CRX: variants seen among roughly 807,000 people sequenced by gnomAD.
CRX encodes the protein cone-rod homeobox protein.
CRX carries 5 observed loss-of-function variants against 13.1 expected under a neutral mutation model. The ratio of observed to expected loss-of-function variants is 0.38; its 90% CI spans 0.20 to 0.80. The LOEUF (loss-of-function observed/expected upper bound fraction) is 0.80. CRX is among the 30% of genes least tolerant of loss of function. CRX has a pLI of 0.43. For missense variants in CRX, 351 were observed against 391.8 expected (o/e 0.90, Z 0.88); for synonymous variants, 179 against 171.1 (o/e 1.05, Z -0.36).
chr19:47,833,710 A>C (rs888313654), intron 1 of CRX, among the ~76,000 whole-genome samples: 3 of 152,210 alleles, frequency 2.0e-5, no homozygotes, highest in African/African-American at 7.2e-5. Flanking sequence ...AACCTGGGCA[A>C]AGAGGGACGG....
chr19:47,828,731 G>C (rs1282996056), intron 1 of CRX, among the ~76,000 whole-genome samples: 1 of 151,830 alleles, frequency 6.6e-6, no homozygotes, highest in South Asian at 2.1e-4. Context: ...TTTGGGGTGG[G>C]GGAGAGGCGT....
chr19:47,828,078 T>G (rs10410722), intron 1 of CRX, among the ~76,000 whole-genome samples: 1 of 150,928 alleles, frequency 6.6e-6, no homozygotes, highest in Non-Finnish European at 1.5e-5. Context: ...CACTTGACCC[T>G]GGGAGGCAGA....
At chr19:47,832,113 T>TTTTTTTTTTTC (rs1968056517) in intron 1 of CRX, among the ~76,000 whole-genome samples, 1 of 135,816 alleles carries the variant, frequency 7.4e-6, no homozygotes, top group Admixed American at 7.2e-5. Context: ...ATGTTTTTTT[T>TTTTTTTTTTTC]TTTTTTTTTT....
intron 1 of CRX, among the ~76,000 whole-genome samples, chr19:47,833,225 G>T (rs529357490): frequency 6.8e-6 from 1 of 146,036 alleles, no homozygotes; most frequent in East Asian, 2.1e-4. Flanking sequence ...GGTGTGAGCC[G>T]CCTTGCTTAG....
intron 1 of CRX, among the ~76,000 whole-genome samples, chr19:47,823,824 A>AT (rs1167610125): frequency 4.6e-5 from 7 of 151,678 alleles, no homozygotes; most frequent in Non-Finnish European, 1.0e-4. Flanking sequence ...TTATTTTTGT[A>AT]TTTTTAGTAG....
rs559876702 is a variant in CRX, at chr19:47,832,264, C to T, written c.-35-2145C>T. ...GGGATTACAGGCACGCGCCACCATGCCCGGCTAATTTTTGTATTTTCTGCA... is the reference window on the plus strand; with the variant it reads ...GGGATTACAGGCACGCGCCACCATGTCCGGCTAATTTTTGTATTTTCTGCA... On this transcript the variant is annotated intron_variant, in intron 1 of 3. Transcript: ENST00000221996. 4.4e-4 allele frequency among the ~76,000 whole-genome samples: 65 copies of T among 148,946 alleles called. 6 individuals are homozygous for T. The highest frequency in any genetic ancestry group is 3.4e-3 in the Middle Eastern group (1 of 292).
intron 1 of CRX, among the ~76,000 whole-genome samples, chr19:47,824,205 T>C (rs1022215233): frequency 3.3e-5 from 5 of 152,170 alleles, no homozygotes; most frequent in Non-Finnish European, 7.4e-5. Flanking sequence ...GATTTAAATT[T>C]TACCCCTGGT....
rs73038753 is a variant in CRX at position 47,841,984 on chromosome 19, C to T, written c.*2017C>T. 1,491 of 152,272 alleles carry T rather than the reference C, an allele frequency of 9.8e-3. 18 individuals are homozygous for T. Among genetic ancestry groups the T allele is most frequent in the Non-Finnish European group, 0.018 (1,203 of 68,044 alleles). The allele number at this position is 152,272 out of a possible 1,614,324, so 9.4% of individuals were successfully genotyped here. A position where few individuals can be genotyped will look rare whatever the true frequency, so the allele number is the denominator to read the frequency against. On this transcript the variant is annotated 3_prime_UTR_variant, in exon 4 of 4. Transcript: ENST00000221996. ...TTCCGTGGTGTAAATACTCCCACCA[C>T]GGCTGACTTCAAGCTAGCAACCGGA...
At chr19:47,833,923 C>T (rs556263147) in intron 1 of CRX, among the ~76,000 whole-genome samples, 4 of 152,210 alleles carry the variant, frequency 2.6e-5, no homozygotes, top group South Asian at 2.1e-4. Context: ...TCAAGTGATC[C>T]TCCCACCTCA....
chr19:47,827,405 ATT>A (rs369150093), intron 1 of CRX, among the ~76,000 whole-genome samples: 1 of 141,378 alleles, frequency 7.1e-6, no homozygotes. Flanking sequence ...TGTTTTTTTA[ATT>A]TTTTTTTTTT....
chr19:47,833,088 G>C (rs192355949), intron 1 of CRX, among the ~76,000 whole-genome samples: 1 of 132,964 alleles, frequency 7.5e-6, no homozygotes, highest in East Asian at 2.2e-4. Flanking sequence ...TTTCAGAGAT[G>C]GGGGGTCTCA....
In CRX at chr19:47,839,445, A is replaced by T; in HGVS notation, c.378A>T (p.Arg126Ser). Residue 126 changes from arginine (R) to serine (S), a missense_variant, in exon 4 of 4, where the codon AGA (arginine) becomes AGT (serine). By Grantham distance (110) the Arg-to-Ser change is moderately radical. Transcript: ENST00000221996. The surrounding 1 kb of genome is among the most constrained non-coding windows in gnomAD (Gnocchi z 4.6). ...AGAGGAAGGCGGGCACGTCCCCAAG[A>T]CCCTCCACAGATGTGTGTCCAGACC... Reference protein sequence around the residue: ...PAKRKAGTSPRPSTDVCPDPL... With the variant: ...PAKRKAGTSPSPSTDVCPDPL... 6.2e-7 allele frequency: 1 copy of T among 1,613,414 alleles called. No individual in the cohort carries two copies. The highest frequency in any genetic ancestry group is 8.5e-7 in the Non-Finnish European group (1 of 1,179,774).
chr19:47,832,105 GTT>G lies in CRX; in HGVS notation c.-35-2287_-35-2286del, dbSNP rs71180891. ...AAATCAGTTCAGAGAGCAGCCTTAT[GTT>G]TTTTTTTTTTTTTTTTGAGACGGAG... On this transcript the variant is annotated intron_variant, in intron 1 of 3. Transcript: ENST00000221996. Among the ~76,000 whole-genome samples, 11 of 91,976 alleles carry G rather than the reference GTT, an allele frequency of 1.2e-4. 1 individual carries two copies. Among genetic ancestry groups the G allele is most frequent in the Non-Finnish European group, 1.4e-4 (7 of 48,592 alleles). 60.3% of individuals were successfully genotyped at this position (91,976 alleles called of 152,430 possible).
rs949247734 is a variant in CRX at position 47,840,627 on chromosome 19, T to A, written c.*660T>A. On this transcript the variant is annotated 3_prime_UTR_variant, in exon 4 of 4. Transcript: ENST00000221996. ...ACCGTGTTAGCCAGGATGGTCTCGA[T>A]CTCCTGACCTCGTGATCCGCCCGCC... The A allele has an allele frequency of 6.6e-6, 1 of 151,072 alleles. No individual in the cohort carries two copies. The highest frequency in any genetic ancestry group is 1.5e-5 in the Non-Finnish European group (1 of 67,864). The allele number at this position is 151,072 out of a possible 1,614,324, so 9.4% of individuals were successfully genotyped here.
In CRX at chr19:47,842,725, C is replaced by T. The variant is rs117717088; in HGVS notation, c.*2758C>T. The T allele has an allele frequency of 2.0e-5, 3 of 152,076 alleles. No homozygotes were observed. The highest frequency in any genetic ancestry group is 7.3e-5 in the African/African-American group (3 of 41,362). 9.4% of individuals were successfully genotyped at this position (152,076 alleles called of 1,614,324 possible). ...TCACACGGGAGGGGCAGGGATGAGA[C>T]AATATTGTGCCCTGGGTCTGTGCAA... On this transcript the variant is annotated 3_prime_UTR_variant, in exon 4 of 4. Transcript: ENST00000221996.
Position 47,839,241 on chromosome 19 carries a change from T to A in CRX, c.253-79T>A. ...ACCCAGCACCTCTCACCAATAAGTG[T>A]CCTCATCCCCGGGCACCCTGCGGCT... On this transcript the variant is annotated intron_variant, in intron 3 of 3. Transcript: ENST00000221996. The surrounding 1 kb of genome is among the most constrained non-coding windows in gnomAD (Gnocchi z 4.6). 1 of 1,472,656 alleles carries A rather than the reference T, an allele frequency of 6.8e-7. No individual in the cohort carries two copies. The highest frequency in any genetic ancestry group is 1.4e-5 in the African/African-American group (1 of 71,466). The allele number at this position is 1,472,656 out of a possible 1,614,324, so 91.2% of individuals were successfully genotyped here.
At chr19:47,831,163 C>T (rs1036556652) in intron 1 of CRX, among the ~76,000 whole-genome samples, 3 of 151,212 alleles carry the variant, frequency 2.0e-5, no homozygotes, top group African/African-American at 7.3e-5. Context: ...AAAAATTAGC[C>T]GGGCATGGTG....
At chr19:47,837,933 T>G (rs1458343656) in intron 3 of CRX, among the ~76,000 whole-genome samples, 3 of 145,918 alleles carry the variant, frequency 2.1e-5, no homozygotes, top group Non-Finnish European at 4.7e-5. Context: ...GTGTGTATGG[T>G]GTATGTATGT....
intron 1 of CRX, among the ~76,000 whole-genome samples, chr19:47,824,324 T>C (rs1180526351): frequency 6.6e-6 from 1 of 152,114 alleles, no homozygotes; most frequent in African/African-American, 2.4e-5. Flanking sequence ...GTGGGGAGCA[T>C]CCTAAGAGGC....
Sources: gnomAD v4.1 joint callset for allele counts (sites outside exome capture counted in the v4.1 genomes callset) on GRCh38, gnomAD v4.1.1 for gene constraint, Gnocchi (gnomAD v3.1) non-coding constraint, MANE v1.5 for transcripts, NCBI Gene and HGNC (gene_info 2026-07-23, HGNC 2026-07-21) for gene names.